Variants in PCDHGA7 observed in about 807,000 individuals in gnomAD.
PCDHGA7 encodes protocadherin gamma-A7.
A neutral mutation model predicts 58.3 loss-of-function variants in PCDHGA7; 44 were observed. The observed-to-expected ratio is 0.75, with a 90% CI of 0.59 to 0.97. PCDHGA7 has a LOEUF of 0.97. PCDHGA7 is among the 50% of genes least tolerant of loss of function. PCDHGA7 has a pLI of 0.00. For synonymous variants in PCDHGA7, 516 were observed against 504.2 expected (o/e 1.02, Z -0.31); for missense variants, 1,266 against 1,188.7 (o/e 1.06, Z -0.96).
At chr5:141,418,326 C>T (rs1398536611) in intron 1 of PCDHGA7, 2 of 1,613,986 alleles carry the variant, frequency 1.2e-6, no homozygotes, top group Non-Finnish European at 1.7e-6. Context: ...ATTCTTGAGT[C>T]TGCAGAAGAT....
chr5:141,470,627 G>A (rs977900352), intron 1 of PCDHGA7, among the ~76,000 whole-genome samples: 3 of 152,154 alleles, frequency 2.0e-5, no homozygotes, highest in Non-Finnish European at 2.9e-5. Flanking sequence ...TGCTTAGATA[G>A]GCCCCCTTGC....
At chr5:141,400,259 T>A (rs2150848027) in intron 1 of PCDHGA7, 2 of 1,614,016 alleles carry the variant, frequency 1.2e-6, no homozygotes, top group Non-Finnish European at 1.7e-6. Flanking sequence ...GCCTTGCGCC[T>A]GCGACGCTCC....
chr5:141,465,865 G>A (rs374058078), intron 1 of PCDHGA7, among the ~76,000 whole-genome samples: 7 of 151,900 alleles, frequency 4.6e-5, no homozygotes, highest in African/African-American at 1.7e-4. Flanking sequence ...GCTCATGCCT[G>A]TAATCCCAGC....
At chr5:141,451,238 T>A (rs1167769789) in intron 1 of PCDHGA7, among the ~76,000 whole-genome samples, 6 of 152,214 alleles carry the variant, frequency 3.9e-5, no homozygotes, top group African/African-American at 1.4e-4. Context: ...TATTATCTCA[T>A]AAATTTTGTG....
intron 1 of PCDHGA7, chr5:141,403,609 G>A (rs1434656385): frequency 6.2e-7 from 1 of 1,613,870 alleles, no homozygotes; most frequent in South Asian, 1.1e-5. Flanking sequence ...ATGGCGGCGA[G>A]CCGCGTCGCT....
Position 141,394,702 on chromosome 5 carries a change from G to A in PCDHGA7, c.2424+9379G>A, listed in dbSNP as rs1246576971. On this transcript the variant is annotated intron_variant, in intron 1 of 3. Coordinates refer to ENST00000518325, the MANE Select transcript of PCDHGA7 (RefSeq NM_018920.4). Reference sequence around the variant, plus strand: ...CACACGGGCGAGGTGCGCACGGCGCGAGCCCTGCTGGACAGAGATGCGCTC... The same window carrying A: ...CACACGGGCGAGGTGCGCACGGCGCAAGCCCTGCTGGACAGAGATGCGCTC... 1.9e-5 allele frequency: 31 copies of A among 1,613,178 alleles called. No homozygotes were observed. Among genetic ancestry groups the A allele is most frequent in the Non-Finnish European group, 2.5e-5 (29 of 1,179,882 alleles).
At chr5:141,408,691 C>T (rs1013098114) in intron 1 of PCDHGA7, 1 of 1,613,854 alleles carries the variant, frequency 6.2e-7, no homozygotes, top group Non-Finnish European at 8.5e-7. Flanking sequence ...CTGATATAAA[C>T]ATAAACTCAA....
chr5:141,481,897 G>A (rs916673176), intron 1 of PCDHGA7, among the ~76,000 whole-genome samples: 3 of 128,712 alleles, frequency 2.3e-5, no homozygotes, highest in South Asian at 5.0e-4. Context: ...CTGGGTGAAA[G>A]AGCGAAACTC....
At chr5:141,475,903 G>A in intron 1 of PCDHGA7, 1 of 576,064 alleles carries the variant, frequency 1.7e-6, no homozygotes. Context: ...TGCCGCTGTC[G>A]GCCAATGAAG....
chr5:141,479,521 T>A (rs4912607), intron 1 of PCDHGA7: 2 of 152,104 alleles, frequency 1.3e-5, no homozygotes, highest in Non-Finnish European at 2.9e-5. Context: ...CTGGCCCAGG[T>A]TGGAAGTGGA....
In PCDHGA7 at chr5:141,475,977, A is replaced by G. The variant is rs369460464; in HGVS notation, c.2425-18830A>G. The stretch of plus-strand genomic sequence containing the variant: ...CCCCGGGATGAGGCAGAGACTGAAC[A>G]GCCGGCGAGCAAATCAACGGCATCC... On this transcript the variant is annotated intron_variant, in intron 1 of 3. Transcript: ENST00000518325. The G allele has an allele frequency of 2.2e-5, 21 of 972,826 alleles. No individual in the cohort carries two copies. The South Asian group carries it at 2.8e-4, about 13-fold the overall frequency. 60.3% of individuals were successfully genotyped at this position (972,826 alleles called of 1,614,324 possible).
intron 2 of PCDHGA7, among the ~76,000 whole-genome samples, chr5:141,502,472 A>G (rs1450967250): frequency 1.3e-5 from 2 of 150,886 alleles, no homozygotes; most frequent in Non-Finnish European, 2.9e-5. Flanking sequence ...TACTTCCCGC[A>G]GCATCACACT....
intron 1 of PCDHGA7, chr5:141,405,312 A>G: frequency 1.2e-6 from 2 of 1,614,208 alleles, no homozygotes; most frequent in Non-Finnish European, 8.5e-7. Context: ...AGCTGTGAGA[A>G]AAATGAGCCT....
intron 1 of PCDHGA7, chr5:141,415,164 G>A: frequency 1.9e-6 from 3 of 1,613,838 alleles, no homozygotes; most frequent in African/African-American, 2.7e-5. Flanking sequence ...CCACTGTCAC[G>A]CTCACCGTGG....
intron 1 of PCDHGA7, among the ~76,000 whole-genome samples, chr5:141,461,824 T>C (rs958063237): frequency 1.3e-5 from 2 of 151,968 alleles, no homozygotes; most frequent in African/African-American, 4.8e-5. Flanking sequence ...CAGCTAATTT[T>C]TTTTTCTTTT....
intron 1 of PCDHGA7, among the ~76,000 whole-genome samples, chr5:141,480,195 G>C (rs1350891459): frequency 6.6e-6 from 1 of 151,182 alleles, no homozygotes; most frequent in African/African-American, 2.4e-5. Flanking sequence ...CTTGAGGCCA[G>C]CAGTTCAAGA....
Position 141,384,237 on chromosome 5 carries a change from C to T in PCDHGA7, c.1338C>T (p.Asn446=). The change falls in exon 1 of 4, where the codon AAC becomes AAT. Residue 446 remains asparagine, a synonymous_variant. Coordinates refer to ENST00000518325, the MANE Select transcript of PCDHGA7 (RefSeq NM_018920.4). ...THIFMQVADT[N]DNPPTFPHSS... ...TATTCATGCAGGTGGCAGACACCAA[C>T]GATAACCCACCCACCTTCCCCCACT... 1.2e-6 allele frequency: 2 copies of T among 1,613,888 alleles called. No homozygotes were observed. Among genetic ancestry groups the T allele is most frequent in the East Asian group, 2.2e-5 (1 of 44,880 alleles).
intron 1 of PCDHGA7, chr5:141,413,387 T>A (rs902208287): frequency 1.2e-6 from 2 of 1,613,908 alleles, no homozygotes; most frequent in Non-Finnish European, 1.7e-6. Context: ...GTCCGCATAG[T>A]CTCCAGAGGT....
rs1372368815 is a variant in PCDHGA7 at position 141,491,370 on chromosome 5, C to T, written c.2425-3437C>T. 3 of 1,614,038 alleles carry T rather than the reference C, an allele frequency of 1.9e-6. No individual in the cohort carries two copies. The highest frequency in any genetic ancestry group is 2.2e-5 in the East Asian group (1 of 44,880). ...GTCTCTTATCCCTAGTCACCTTCAC[C>T]TTTCTGTCAGCGAAGTGCCTTCAGG... On this transcript the variant is annotated intron_variant, in intron 1 of 3. Transcript: ENST00000518325. The surrounding 1 kb of genome is among the most constrained non-coding windows in gnomAD (Gnocchi z 6.9).
Sources: gnomAD v4.1 joint callset for allele counts (sites outside exome capture counted in the v4.1 genomes callset) on GRCh38, gnomAD v4.1.1 for gene constraint, Gnocchi (gnomAD v3.1) non-coding constraint, MANE v1.5 for transcripts, NCBI Gene and HGNC (gene_info 2026-07-23, HGNC 2026-07-21) for gene names.